KCTD14: variants seen among roughly 807,000 people sequenced by gnomAD.
KCTD14 encodes potassium channel tetramerization domain containing 14.
A neutral mutation model predicts 5.9 loss-of-function variants in KCTD14; 7 were observed. The observed-to-expected ratio is 1.19, with a 90% CI of 0.68 to 2.23. The LOEUF (loss-of-function observed/expected upper bound fraction) is 2.23, where lower values mean the gene tolerates loss of function less well. Among genes scored for constraint, KCTD14 ranks in the 30% most tolerant of loss-of-function variants. KCTD14 has a pLI of 0.00. For missense variants in KCTD14, 342 were observed against 332.2 expected, an observed-to-expected ratio of 1.03 and a Z score of -0.23; for synonymous variants, 140 against 133.1, an observed-to-expected ratio of 1.05 and a Z score of -0.36.
intron 2 of KCTD14, among the ~76,000 whole-genome samples, chr11:78,037,761 G>A (rs1287814398): frequency 2.0e-5 from 3 of 152,136 alleles, no homozygotes; most frequent in Non-Finnish European, 2.9e-5. Flanking sequence ...AGAGGTTGCA[G>A]TGAGCCAAGA....
intron 2 of KCTD14, among the ~76,000 whole-genome samples, chr11:78,032,165 A>T (rs1480021591): frequency 6.6e-6 from 1 of 152,238 alleles, no homozygotes; most frequent in Non-Finnish European, 1.5e-5. Flanking sequence ...ACTGGGAGGA[A>T]GTATGGCTGG....
At chr11:78,039,080 AAAAAACAC>A (rs1857911881) in intron 1 of KCTD14, among the ~76,000 whole-genome samples, 1 of 151,684 alleles carries the variant, frequency 6.6e-6, no homozygotes, top group Non-Finnish European at 1.5e-5. Context: ...AAAAAAAAAA[AAAAAACAC>A]AAAAAAACAG....
chr11:78,037,520 A>G (rs1207198668), intron 2 of KCTD14, among the ~76,000 whole-genome samples: 10 of 152,096 alleles, frequency 6.6e-5, no homozygotes, highest in Non-Finnish European at 8.8e-5. Context: ...AGCCCCCAGA[A>G]CTATACTCAT....
intron 1 of KCTD14, among the ~76,000 whole-genome samples, chr11:78,045,510 CT>C (rs764180533): frequency 7.9e-5 from 12 of 152,160 alleles, no homozygotes; most frequent in Non-Finnish European, 1.8e-4. Flanking sequence ...TCCTCCTGAC[CT>C]GGTTGGTCTT....
At chr11:78,032,099 C>G (rs1857636961) in intron 2 of KCTD14, among the ~76,000 whole-genome samples, 1 of 152,202 alleles carries the variant, frequency 6.6e-6, no homozygotes, top group Non-Finnish European at 1.5e-5. Flanking sequence ...ATGCCCCTAC[C>G]ATTTCTGGGA....
upstream of KCTD14, among the ~76,000 whole-genome samples, chr11:78,025,095 T>C (rs1326220060): frequency 3.5e-5 from 2 of 57,814 alleles, no homozygotes; most frequent in African/African-American, 1.9e-4. Flanking sequence ...CGTGTGTGTG[T>C]GTGTGTGTGT....
intron 2 of KCTD14, among the ~76,000 whole-genome samples, chr11:78,035,774 G>A (rs926980272): frequency 6.8e-6 from 1 of 146,318 alleles, no homozygotes; most frequent in African/African-American, 2.5e-5. Flanking sequence ...GAACGCAGGA[G>A]GCAGAGGTTG....
At chr11:78,018,169 T>G (rs796195683) in intron 1 of KCTD14, among the ~76,000 whole-genome samples, 2 of 152,214 alleles carry the variant, frequency 1.3e-5, no homozygotes, top group African/African-American at 4.8e-5. Flanking sequence ...GAAGGAAGTC[T>G]CAGCAATGAT....
Position 78,017,290 on chromosome 11 carries a change from A to C in KCTD14, c.91-20T>G. 6.4e-6 allele frequency: 10 copies of C among 1,561,592 alleles called. No homozygotes were observed. The highest frequency in any genetic ancestry group is 4.7e-5 in the South Asian group (4 of 84,764). Reference sequence around the variant, plus strand: ...AGACATCTGGGGGCACAAGAGGCAGAGTAAACCAACACGCCATCTCCCCTG... The same window carrying C: ...AGACATCTGGGGGCACAAGAGGCAGCGTAAACCAACACGCCATCTCCCCTG... On this transcript the variant is annotated intron_variant, in intron 1 of 1. Coordinates refer to ENST00000353172, the MANE Select transcript of KCTD14 (RefSeq NM_023930.4).
In KCTD14 at chr11:78,039,383, G is replaced by T. The variant is rs564362063; in HGVS notation, c.-95-625C>A. ...AATACAAAAAAAATAAATAAAATTA[G>T]CCAGGTGTGGTGGTGTGCTCCTGTA... is the stretch of plus-strand genomic sequence containing the variant. On this transcript the variant is annotated intron_variant, in intron 1 of 2. Transcript: ENST00000533144. 6.6e-5 allele frequency among the ~76,000 whole-genome samples: 10 copies of T among 151,924 alleles called. No individual in the cohort carries two copies. In the East Asian group the frequency reaches 1.9e-3, roughly 29 times the overall value.
intron 1 of KCTD14, among the ~76,000 whole-genome samples, chr11:78,022,626 C>A (rs971292717): frequency 1.3e-5 from 2 of 152,094 alleles, no homozygotes; most frequent in African/African-American, 4.8e-5. Context: ...CATCCTCCTC[C>A]CCAACTCCCC....
intron 1 of KCTD14, among the ~76,000 whole-genome samples, chr11:78,022,098 C>T (rs1383243158): frequency 6.6e-6 from 1 of 152,136 alleles, no homozygotes; most frequent in Non-Finnish European, 1.5e-5. Flanking sequence ...CTTGCAATTC[C>T]CTGTTTCTTC....
chr11:78,039,143 C>G (rs1857915317), intron 1 of KCTD14, among the ~76,000 whole-genome samples: 1 of 151,394 alleles, frequency 6.6e-6, no homozygotes, highest in Non-Finnish European at 1.5e-5. Flanking sequence ...TTCAAGAGGA[C>G]CTTGAACTGG....
chr11:78,038,894 G>T, intron 1 of KCTD14: 1 of 1,006,542 alleles, frequency 9.9e-7, no homozygotes, highest in Non-Finnish European at 1.4e-6. Context: ...CTGTGGTCAC[G>T]GTCAGGCCCG....
intron 1 of KCTD14, among the ~76,000 whole-genome samples, chr11:78,043,022 G>C (rs746888238): frequency 1.3e-5 from 2 of 152,252 alleles, no homozygotes; most frequent in African/African-American, 4.8e-5. Context: ...GGGAAGAGGG[G>C]CTGGGCACCG....
chr11:78,024,099 T>G (rs142371953), upstream of KCTD14, among the ~76,000 whole-genome samples: 13 of 152,216 alleles, frequency 8.5e-5, no homozygotes, highest in Admixed American at 1.3e-4. Flanking sequence ...AGATATTTTG[T>G]TGGGGACAGG....
At chr11:78,044,414 C>T (rs532138610) in intron 1 of KCTD14, among the ~76,000 whole-genome samples, 8 of 152,082 alleles carry the variant, frequency 5.3e-5, no homozygotes, top group East Asian at 3.9e-4. Context: ...GAGGGGACTC[C>T]GGCAGAATGA....
chr11:78,035,364 C>T (rs1473553801), intron 2 of KCTD14, among the ~76,000 whole-genome samples: 1 of 152,098 alleles, frequency 6.6e-6, no homozygotes, highest in African/African-American at 2.4e-5. Context: ...GGGCCCTCTC[C>T]CTGTCGAGTT....
upstream of KCTD14, among the ~76,000 whole-genome samples, chr11:78,024,380 CAAAAAA>C (rs56296835): frequency 1.8e-4 from 22 of 123,192 alleles, no homozygotes; most frequent in African/African-American, 5.8e-4. Flanking sequence ...GATTCCCTCT[CAAAAAA>C]AAAAAAAAAA....
Sources: allele counts gnomAD v4.1 joint callset (sites outside exome capture counted in the v4.1 genomes callset), GRCh38; gene constraint gnomAD v4.1.1; transcripts MANE v1.5; gene names NCBI Gene and HGNC (gene_info 2026-07-23, HGNC 2026-07-21).